The following PDE4D variants were observed in gnomAD, a reference collection of about 807,000 sequenced individuals.
PDE4D encodes the protein 3',5'-cyclic-AMP phosphodiesterase 4D.
In PDE4D, 24 loss-of-function variants were observed where a neutral mutation model predicts 87.4. The observed-to-expected ratio is 0.27, with a 90% CI of 0.20 to 0.39. The LOEUF is 0.39. PDE4D is among the 10% of genes least tolerant of loss of function. The pLI, the probability that PDE4D is intolerant of heterozygous loss-of-function variation, is 1.00. For missense variants in PDE4D, 714 were observed against 1,041.0 expected (o/e 0.69, Z 4.32); for synonymous variants, 384 against 383.2 (o/e 1.00, Z -0.02).
chr5:59,268,654 T>C (rs1277835710), intron 1 of PDE4D, among the ~76,000 whole-genome samples: 1 of 152,116 alleles, frequency 6.6e-6, no homozygotes, highest in African/African-American at 2.4e-5. Flanking sequence ...TATTGATTTT[T>C]TATTAAGACT....
chr5:59,523,848 C>T (rs1812634426), intron 1 of PDE4D, among the ~76,000 whole-genome samples: 1 of 152,124 alleles, frequency 6.6e-6, no homozygotes, highest in African/African-American at 2.4e-5. Context: ...TTCTCTGGAG[C>T]TCTAATGGTT....
intron 2 of PDE4D, among the ~76,000 whole-genome samples, chr5:60,026,869 T>C (rs1766683779): frequency 6.6e-6 from 1 of 152,162 alleles, no homozygotes; most frequent in Admixed American, 6.5e-5. Flanking sequence ...CTGCTTCATG[T>C]TTCTGTAGAC....
At chr5:59,024,296 G>C (rs1428083208) in intron 6 of PDE4D, among the ~76,000 whole-genome samples, 1 of 149,108 alleles carries the variant, frequency 6.7e-6, no homozygotes, top group African/African-American at 2.5e-5. Context: ...TGCCTCCTGG[G>C]TTCAAGTGAT....
At chr5:60,333,801 C>T (rs1387114131) in intron 1 of PDE4D, among the ~76,000 whole-genome samples, 1 of 152,124 alleles carries the variant, frequency 6.6e-6, no homozygotes, top group African/African-American at 2.4e-5. Flanking sequence ...AAATCTCACC[C>T]ATTTCCACAA....
At chr5:59,531,698 G>C (rs985242031) in intron 1 of PDE4D, among the ~76,000 whole-genome samples, 1 of 152,120 alleles carries the variant, frequency 6.6e-6, no homozygotes, top group Admixed American at 6.6e-5. Flanking sequence ...GCATCTGTCT[G>C]ACCCTTTTTC....
intron 1 of PDE4D, among the ~76,000 whole-genome samples, chr5:59,877,307 G>A (rs1172685106): frequency 6.6e-6 from 1 of 152,040 alleles, no homozygotes; most frequent in Non-Finnish European, 1.5e-5. Context: ...TATGCAGATA[G>A]AATTAGCCAG....
intron 1 of PDE4D, among the ~76,000 whole-genome samples, chr5:59,654,058 T>C (rs533570954): frequency 6.6e-6 from 1 of 152,244 alleles, no homozygotes; most frequent in Admixed American, 6.5e-5. Context: ...ATGTAAAAAT[T>C]AGCCAGGCAT....
intron 1 of PDE4D, among the ~76,000 whole-genome samples, chr5:59,470,694 T>C (rs1270513886): frequency 2.0e-5 from 3 of 152,192 alleles, no homozygotes; most frequent in Admixed American, 6.5e-5. Context: ...AATATTTTAA[T>C]TAATTTATAA....
chr5:60,341,831 T>C (rs1758345660), intron 1 of PDE4D, among the ~76,000 whole-genome samples: 2 of 152,120 alleles, frequency 1.3e-5, no homozygotes, highest in South Asian at 4.2e-4. Context: ...GATGCTGGAG[T>C]TAGCTTGCCA....
At chr5:60,260,974 C>A (rs1749585824) in intron 1 of PDE4D, among the ~76,000 whole-genome samples, 1 of 152,026 alleles carries the variant, frequency 6.6e-6, no homozygotes, top group South Asian at 2.1e-4. Context: ...TGTTTATATG[C>A]CACCCAGAGA....
At chr5:59,732,153 ATTAT>A (rs36132461) in intron 1 of PDE4D, among the ~76,000 whole-genome samples, 11,864 of 152,080 alleles carry the variant, frequency 0.078, 691 homozygotes, top group African/African-American at 0.17. Context: ...CAAAATAATT[ATTAT>A]TTAATCATAT....
At chr5:59,293,816 T>G (rs770496133) in intron 1 of PDE4D, among the ~76,000 whole-genome samples, 1 of 152,248 alleles carries the variant, frequency 6.6e-6, no homozygotes, top group African/African-American at 2.4e-5. Context: ...CCTGACCCCA[T>G]GGGAGTCACA....
At chr5:60,322,690 C>A (rs1189350030) in intron 1 of PDE4D, among the ~76,000 whole-genome samples, 1 of 152,104 alleles carries the variant, frequency 6.6e-6, no homozygotes, top group African/African-American at 2.4e-5. Flanking sequence ...AAGTCTTTAC[C>A]AATGGCTTTT....
intron 1 of PDE4D, among the ~76,000 whole-genome samples, chr5:59,771,606 T>A (rs994358607): frequency 2.6e-5 from 4 of 152,128 alleles, no homozygotes; most frequent in Non-Finnish European, 5.9e-5. Context: ...CAAGGGACTC[T>A]GGGTTCTAGT....
At chr5:60,381,217 A>G (rs1273382777) in intron 1 of PDE4D, among the ~76,000 whole-genome samples, 1 of 152,188 alleles carries the variant, frequency 6.6e-6, no homozygotes, top group African/African-American at 2.4e-5. Context: ...GGTAAGTCAT[A>G]CAGGTGCTGC....
chr5:59,429,074 G>T (rs1795731117), intron 1 of PDE4D, among the ~76,000 whole-genome samples: 1 of 152,096 alleles, frequency 6.6e-6, no homozygotes, highest in Non-Finnish European at 1.5e-5. Context: ...AACATAATTT[G>T]ACTGACTTGT....
chr5:59,654,327 T>A (rs1396804633), intron 1 of PDE4D, among the ~76,000 whole-genome samples: 4 of 152,194 alleles, frequency 2.6e-5, no homozygotes, highest in African/African-American at 9.7e-5. Context: ...AGTTCCAGAC[T>A]ATAGTACCAT....
chr5:59,484,802 A>C (rs1004582818), intron 1 of PDE4D, among the ~76,000 whole-genome samples: 1 of 152,144 alleles, frequency 6.6e-6, no homozygotes, highest in African/African-American at 2.4e-5. Flanking sequence ...CTCTAGTGAA[A>C]CCATTTAGTC....
chr5:59,116,913 C>A (rs1301479024), intron 5 of PDE4D, among the ~76,000 whole-genome samples: 1 of 152,224 alleles, frequency 6.6e-6, no homozygotes, highest in Non-Finnish European at 1.5e-5. Context: ...AGAAAGATGA[C>A]TTTCTGCAAG....
Sources: allele counts gnomAD v4.1 joint callset (sites outside exome capture counted in the v4.1 genomes callset), GRCh38; gene constraint gnomAD v4.1.1; transcripts MANE v1.5; gene names NCBI Gene and HGNC (gene_info 2026-07-23, HGNC 2026-07-21).